KIAA0586: variants seen among roughly 807,000 people sequenced by gnomAD.
KIAA0586 encodes protein TALPID3.
In KIAA0586, 144 loss-of-function variants were observed where a neutral mutation model predicts 169.8. The ratio of observed to expected loss-of-function variants is 0.85; its 90% confidence interval spans 0.74 to 0.97. KIAA0586 has a LOEUF of 0.97. Ranked by LOEUF, KIAA0586 falls within the 50% of genes least tolerant of loss-of-function variation. KIAA0586 has a pLI of 0.00. For missense variants in KIAA0586, 1,854 were observed against 1,823.0 expected, an observed-to-expected ratio of 1.02 and a Z score of -0.31; for synonymous variants, 625 against 612.4, an observed-to-expected ratio of 1.02 and a Z score of -0.30.
chr14:58,493,954 G>A (rs1210980869), intron 26 of KIAA0586, among the ~76,000 whole-genome samples: 1 of 152,268 alleles, frequency 6.6e-6, no homozygotes, highest in East Asian at 1.9e-4. Context: ...AATAGCAGAA[G>A]TGTCTGCATA....
In KIAA0586 at chr14:58,516,305, C is replaced by A. The variant is rs893688565; in HGVS notation, c.4429+3678C>A. Among the ~76,000 whole-genome samples, 3 of 152,116 alleles carry A rather than the reference C, an allele frequency of 2.0e-5. No individual in the cohort carries two copies. The South Asian group carries it at 6.2e-4, about 32-fold the overall frequency. ...AAAGACAGGATGCCCCACTTTGACCCTTCTCCTTTAAGAACAAAAGCCTTA... is the reference window on the plus strand; with the variant it reads ...AAAGACAGGATGCCCCACTTTGACCATTCTCCTTTAAGAACAAAAGCCTTA... On this transcript the variant is annotated intron_variant, in intron 29 of 30. Coordinates refer to ENST00000652326, the MANE Select transcript of KIAA0586 (RefSeq NM_001329943.3).
At chr14:58,442,958 G>GACACAACCAT in intron 5 of KIAA0586, 78 bp downstream of exon 5, 1 of 1,038,456 alleles carries the variant, frequency 9.6e-7, no homozygotes, top group Non-Finnish European at 1.4e-6. Flanking sequence ...TCTATAAATG[G>GACACAACCAT]TTGTGTCCAG....
At chr14:58,485,687 A>G (rs2042391772) in intron 21 of KIAA0586, among the ~76,000 whole-genome samples, 1 of 152,122 alleles carries the variant, frequency 6.6e-6, no homozygotes, top group African/African-American at 2.4e-5. Flanking sequence ...TGAATTTTGA[A>G]CCATTTGAAT....
rs777898196 is a variant in KIAA0586 at position 58,461,067 on chromosome 14, C to G, written c.1966C>G (p.Arg656Gly). 1.2e-6 allele frequency: 2 copies of G among 1,611,658 alleles called. No homozygotes were observed. Among genetic ancestry groups the G allele is most frequent in the Non-Finnish European group, 1.7e-6 (2 of 1,178,704 alleles). The change falls in exon 14 of 31, where the codon CGA (arginine) becomes GGA (glycine). Residue 656 changes from arginine (R) to glycine (G), a missense_variant. Arg to Gly is a moderately radical substitution (Grantham distance 125). Transcript: ENST00000652326. ...VYGKPVYQGH[R>G]STLKKGPYLR... ...TGGAAAGCCAGTTTATCAGGGCCAT[C>G]GAAGCACTCTTAAAAAAGGACCATA...
intron 27 of KIAA0586, among the ~76,000 whole-genome samples, chr14:58,502,445 T>C (rs1017470788): frequency 7.9e-5 from 12 of 152,132 alleles, no homozygotes; most frequent in African/African-American, 2.4e-4. Flanking sequence ...CAGCTGATAA[T>C]GTCTTTTATA....
rs757412652 is a variant in KIAA0586 at position 58,498,827 on chromosome 14, C to T, written c.4035C>T (p.Pro1345=). 1.9e-6 allele frequency: 3 copies of T among 1,610,980 alleles called. No individual in the cohort carries two copies. The highest frequency in any genetic ancestry group is 2.2e-5 in the South Asian group (2 of 90,044). Residue 1345 remains proline (P), a synonymous_variant, in exon 27 of 31, where the codon CCC becomes CCT. Transcript: ENST00000652326. ...GTGAACTTAGTGAAGGACAAAGACC[C>T]CAGCTAACAGCGGCAGCAGAGAACA... ...SVGELSEGQR[P]QLTAAAENIL...
At chr14:58,474,093 C>T (rs1015476107) in intron 18 of KIAA0586, among the ~76,000 whole-genome samples, 1 of 152,106 alleles carries the variant, frequency 6.6e-6, no homozygotes, top group Middle Eastern at 3.4e-3. Flanking sequence ...GTGCCAGTCT[C>T]CTTTAAACAA....
intron 20 of KIAA0586, among the ~76,000 whole-genome samples, chr14:58,481,162 A>C (rs903322257): frequency 4.6e-5 from 7 of 152,258 alleles, no homozygotes; most frequent in Admixed American, 1.3e-4. Flanking sequence ...AAGTGATCCC[A>C]CTAGACGTCT....
chr14:58,531,326 CAAAA>C (rs1025870057), intron 29 of KIAA0586, among the ~76,000 whole-genome samples: 1,880 of 96,164 alleles, frequency 0.02, 48 homozygotes, highest in African/African-American at 0.061. Context: ...GACTCCGTCT[CAAAA>C]AAAAAAAAAA....
rs372659413 is a variant in KIAA0586 at position 58,428,435 on chromosome 14, G to T, written c.171G>T (p.Thr57=). ...LSANKRLPVG[T]GTSLNGTSRG... ...CAAATAAACGTCTTCCTGTTGGAAC[G>T]GGGACTAGTTTGAATGGAACATCAC... Residue 57 remains threonine (T), a synonymous_variant, in exon 1 of 31, where the codon ACG becomes ACT. Transcript: ENST00000652326. The T allele has an allele frequency of 6.2e-6, 10 of 1,613,674 alleles. No individual in the cohort carries two copies. Among genetic ancestry groups the T allele is most frequent in the Non-Finnish European group, 8.5e-6 (10 of 1,179,616 alleles).
chr14:58,488,050 C>T lies in KIAA0586; in HGVS notation c.3468C>T (p.Asp1156=), dbSNP rs1480348880. ...PELPKPWGDG[D]LPLEEENPNS... ...TTCCCAAGCCATGGGGTGATGGAGA[C>T]CTGCCACTGGAAGAAGAGAACCCTA... Residue 1156 remains aspartate, a synonymous_variant, in exon 23 of 31, where the codon GAC becomes GAT. Transcript: ENST00000652326. The T allele has an allele frequency of 6.2e-7, 1 of 1,610,514 alleles. No homozygotes were observed. The highest frequency in any genetic ancestry group is 8.5e-7 in the Non-Finnish European group (1 of 1,178,496).
intron 6 of KIAA0586, among the ~76,000 whole-genome samples, chr14:58,446,146 A>G (rs1232294709): frequency 6.6e-6 from 1 of 152,006 alleles, no homozygotes; most frequent in Non-Finnish European, 1.5e-5. Flanking sequence ...TTGGGATTAC[A>G]GAAGTGAGTA....
At chr14:58,458,003 G>T in intron 11 of KIAA0586, 24 bp downstream of exon 11, 1 of 1,458,818 alleles carries the variant, frequency 6.9e-7, no homozygotes, top group Non-Finnish European at 9.4e-7. Flanking sequence ...GGCATCCAGG[G>T]TTATTTATGA....
Position 58,512,571 on chromosome 14 carries a change from C to G in KIAA0586, c.4373C>G (p.Ser1458Ter), listed in dbSNP as rs773507064. The change falls in exon 29 of 31, where the codon TCA becomes TGA. Residue 1458 changes from serine to a stop codon, truncating the protein, a stop_gained. Transcript: ENST00000652326. LOFTEE classifies it high-confidence loss of function. ...QDVKQVEHKPSQSYLRVRNKS... is the reference protein window; with the variant it reads ...QDVKQVEHKP ...GTTAAGCAAGTTGAACACAAACCATCACAAAGTTACCTACGTGTTAGAAAT... is the reference window on the plus strand; with the variant it reads ...GTTAAGCAAGTTGAACACAAACCATGACAAAGTTACCTACGTGTTAGAAAT... 4 of 1,544,678 alleles carry G rather than the reference C, an allele frequency of 2.6e-6. No homozygotes were observed. The highest frequency in any genetic ancestry group is 3.5e-6 in the Non-Finnish European group (4 of 1,154,052).
chr14:58,442,516 ATCT>A (rs1360358397), intron 4 of KIAA0586, among the ~76,000 whole-genome samples, 187 bp from the exon 5 acceptor site: 2 of 152,196 alleles, frequency 1.3e-5, no homozygotes, highest in Non-Finnish European at 2.9e-5. Flanking sequence ...TCAAGGAATT[ATCT>A]TCTTATTTCT....
rs549015129 is a variant in KIAA0586, at chr14:58,520,226, C to A, written c.4429+7599C>A. Reference sequence around the variant, plus strand: ...ATAATTCACATACTGTAAAATTCTCCCTTTAAATTCTCACTGGTTTTTAGT... The same window carrying A: ...ATAATTCACATACTGTAAAATTCTCACTTTAAATTCTCACTGGTTTTTAGT... On this transcript the variant is annotated intron_variant, in intron 29 of 30. Coordinates refer to ENST00000652326, the MANE Select transcript of KIAA0586 (RefSeq NM_001329943.3). Among the ~76,000 whole-genome samples, 24 of 152,138 alleles carry A rather than the reference C, an allele frequency of 1.6e-4. 1 individual carries two copies. In the South Asian group the frequency reaches 4.8e-3, roughly 30 times the overall value.
chr14:58,548,576 G>C lies in KIAA0586; in HGVS notation c.*644G>C, dbSNP rs1332160895. ...TATTATATAAACAAGAAACTGCTAA[G>C]TTTGTCTCCAGGGAGTAGAATTGTT... On this transcript the variant is annotated 3_prime_UTR_variant, in exon 31 of 31. Transcript: ENST00000652326. 6.6e-6 allele frequency: 1 copy of C among 152,124 alleles called. No individual in the cohort carries two copies. Among genetic ancestry groups the C allele is most frequent in the African/African-American group, 2.4e-5 (1 of 41,440 alleles). The allele number at this position is 152,124 out of a possible 1,614,324, so 9.4% of individuals were successfully genotyped here.
At chr14:58,554,874 T>C (rs1023582615), downstream of KIAA0586, among the ~76,000 whole-genome samples, 1 of 152,138 alleles carries the variant, frequency 6.6e-6, no homozygotes, top group African/African-American at 2.4e-5. Context: ...CAGCCCCTGA[T>C]TGGGACAGCT....
chr14:58,521,004 G>A, intron 29 of KIAA0586: 1 of 300,304 alleles, frequency 3.3e-6, no homozygotes. Flanking sequence ...CAAAGCATCT[G>A]CTCTCCCGGG....
Sources: allele counts gnomAD v4.1 joint callset (sites outside exome capture counted in the v4.1 genomes callset), GRCh38; gene constraint gnomAD v4.1.1; transcripts MANE v1.5; gene names NCBI Gene and HGNC (gene_info 2026-07-23, HGNC 2026-07-21).